The following TMEM132C variants were observed in gnomAD, a reference collection of about 807,000 sequenced individuals.
TMEM132C encodes transmembrane protein 132C.
Under a neutral mutation model 61.4 loss-of-function variants are expected in TMEM132C, and 29 were observed. The ratio of observed to expected loss-of-function variants is 0.47; its 90% CI spans 0.35 to 0.64. The LOEUF (loss-of-function observed/expected upper bound fraction) is 0.64, where lower values mean the gene tolerates loss of function less well. Ranked by LOEUF, TMEM132C falls within the 30% of genes least tolerant of loss-of-function variation. TMEM132C has a pLI of 0.00. For missense variants in TMEM132C, 1,408 were observed against 1,476.9 expected, an observed-to-expected ratio of 0.95 and a Z score of 0.76; for synonymous variants, 656 against 633.1, an observed-to-expected ratio of 1.04 and a Z score of -0.54.
chr12:128,487,057 T>A (rs1316797794), intron 2 of TMEM132C, among the ~76,000 whole-genome samples: 1 of 152,130 alleles, frequency 6.6e-6, no homozygotes, highest in Non-Finnish European at 1.5e-5. Flanking sequence ...AGAGCCAAAG[T>A]GGAGAAAGGG....
intron 4 of TMEM132C, among the ~76,000 whole-genome samples, chr12:128,665,022 C>T (rs1454202935): frequency 1.3e-5 from 2 of 151,186 alleles, no homozygotes; most frequent in Non-Finnish European, 2.9e-5. Flanking sequence ...CATACATATA[C>T]ACACAGGAAC....
intron 1 of TMEM132C, among the ~76,000 whole-genome samples, chr12:128,311,227 A>C (rs1189820104): frequency 6.6e-6 from 1 of 152,114 alleles, no homozygotes; most frequent in African/African-American, 2.4e-5. Context: ...AGTCTCCAAC[A>C]CTCTGACAAG....
chr12:128,680,910 G>A (rs527740109), intron 5 of TMEM132C, among the ~76,000 whole-genome samples: 2 of 152,300 alleles, frequency 1.3e-5, no homozygotes, highest in East Asian at 1.9e-4. Flanking sequence ...TAAGTCTCAC[G>A]GACCTTGCAG....
chr12:128,519,391 A>G (rs1477677205), intron 2 of TMEM132C, among the ~76,000 whole-genome samples: 1 of 152,234 alleles, frequency 6.6e-6, no homozygotes, highest in Admixed American at 6.5e-5. Flanking sequence ...GATAAGTTGC[A>G]TCCAGTTTTC....
intron 1 of TMEM132C, among the ~76,000 whole-genome samples, chr12:128,376,379 A>G (rs773972801): frequency 6.6e-6 from 1 of 152,108 alleles, no homozygotes; most frequent in Non-Finnish European, 1.5e-5. Context: ...TGAGAGTGAA[A>G]TTTCTTTGAT....
intron 2 of TMEM132C, among the ~76,000 whole-genome samples, chr12:128,503,992 G>C (rs185996261): frequency 6.6e-6 from 1 of 152,338 alleles, no homozygotes; most frequent in African/African-American, 2.4e-5. Context: ...GACAGTGCTG[G>C]AGTGAGAACG....
At chr12:128,573,150 C>G (rs954554302) in intron 3 of TMEM132C, among the ~76,000 whole-genome samples, 5 of 152,174 alleles carry the variant, frequency 3.3e-5, no homozygotes. Flanking sequence ...GACACATGCA[C>G]ATATATGTTT....
At chr12:128,504,431 G>A (rs1316917903) in intron 2 of TMEM132C, among the ~76,000 whole-genome samples, 1 of 152,192 alleles carries the variant, frequency 6.6e-6, no homozygotes, top group African/African-American at 2.4e-5. Flanking sequence ...GGAAAATACA[G>A]TTTGCTGCAA....
rs890746299 is a variant in TMEM132C, at chr12:128,630,178, C to T, written c.1305+13843C>T. On this transcript the variant is annotated intron_variant, in intron 4 of 8. Coordinates refer to ENST00000435159, the MANE Select transcript of TMEM132C (RefSeq NM_001136103.3). This position sits in a 1 kb window ranked among gnomAD's most constrained non-coding sequence, Gnocchi z 4.3. Reference sequence around the variant, plus strand: ...CCTCCAAGGTGTCTCAGGCGGCAAGCTGGCGGCAAGCCCAGGAATCTGCAT... The same window carrying T: ...CCTCCAAGGTGTCTCAGGCGGCAAGTTGGCGGCAAGCCCAGGAATCTGCAT... 6.6e-6 allele frequency among the ~76,000 whole-genome samples: 1 copy of T among 152,044 alleles called. No homozygotes were observed. The highest frequency in any genetic ancestry group is 1.5e-5 in the Non-Finnish European group (1 of 67,996).
At chr12:128,466,808 G>C (rs1010118171) in intron 2 of TMEM132C, among the ~76,000 whole-genome samples, 2 of 152,158 alleles carry the variant, frequency 1.3e-5, no homozygotes, top group Admixed American at 1.3e-4. Context: ...ATGAGCCACC[G>C]CACCTGGCCA....
chr12:128,515,287 G>A (rs563687180), intron 2 of TMEM132C, among the ~76,000 whole-genome samples: 7 of 152,170 alleles, frequency 4.6e-5, no homozygotes, highest in Admixed American at 2.0e-4. Flanking sequence ...GTCTGCACCC[G>A]TGTGACCTGC....
intron 1 of TMEM132C, among the ~76,000 whole-genome samples, chr12:128,394,873 C>G (rs1258869646): frequency 7.3e-6 from 1 of 137,882 alleles, no homozygotes; most frequent in Non-Finnish European, 1.5e-5. Flanking sequence ...GTTAATTGCA[C>G]AGCTAATGTG....
chr12:128,492,318 C>T (rs542056919), intron 2 of TMEM132C, among the ~76,000 whole-genome samples: 143 of 152,266 alleles, frequency 9.4e-4, no homozygotes, highest in South Asian at 1.5e-3. Context: ...CATACATGTG[C>T]ATGTGCCTTT....
intron 1 of TMEM132C, among the ~76,000 whole-genome samples, chr12:128,329,856 T>C (rs1256435542): frequency 6.6e-6 from 1 of 152,206 alleles, no homozygotes; most frequent in Non-Finnish European, 1.5e-5. Flanking sequence ...TTACTCAAGA[T>C]TGTCTTCATT....
intron 2 of TMEM132C, among the ~76,000 whole-genome samples, chr12:128,428,702 C>T (rs1294768115): frequency 4.6e-5 from 7 of 152,126 alleles, no homozygotes; most frequent in Non-Finnish European, 8.8e-5. Flanking sequence ...GCTGTAGATG[C>T]CCACACCTAT....
intron 1 of TMEM132C, among the ~76,000 whole-genome samples, chr12:128,402,852 C>T (rs1875216592): frequency 6.6e-6 from 1 of 152,182 alleles, no homozygotes; most frequent in African/African-American, 2.4e-5. Context: ...TGATGAAGTC[C>T]AAGACTCTGA....
chr12:128,535,790 C>T (rs1186664561), intron 2 of TMEM132C, among the ~76,000 whole-genome samples: 3 of 151,962 alleles, frequency 2.0e-5, no homozygotes, highest in African/African-American at 4.8e-5. Flanking sequence ...ATGGCATGAA[C>T]CCGGGAGGCA....
intron 2 of TMEM132C, among the ~76,000 whole-genome samples, chr12:128,542,567 A>G (rs913811251): frequency 2.6e-5 from 4 of 152,030 alleles, no homozygotes; most frequent in Non-Finnish European, 4.4e-5. Context: ...CAGCCTCCTA[A>G]ACTGCTGGGA....
At chr12:128,300,788 G>A (rs1871569700) in intron 1 of TMEM132C, among the ~76,000 whole-genome samples, 1 of 152,156 alleles carries the variant, frequency 6.6e-6, no homozygotes. Flanking sequence ...TGTAATCCCA[G>A]CACTTTGGGA....
Sources: allele counts gnomAD v4.1 joint callset (sites outside exome capture counted in the v4.1 genomes callset), GRCh38; gene constraint gnomAD v4.1.1; non-coding constraint Gnocchi (gnomAD v3.1); transcripts MANE v1.5; gene names NCBI Gene and HGNC (gene_info 2026-07-23, HGNC 2026-07-21).